The following SCGB2B2 variants were observed in gnomAD, a reference collection of about 807,000 sequenced individuals.
The protein encoded by SCGB2B2 is secretoglobin-like protein.
Under a neutral mutation model 7.6 loss-of-function variants are expected in SCGB2B2, and 11 were observed. The ratio of observed to expected loss-of-function variants is 1.45; its 90% CI spans 0.91 to 2.40. SCGB2B2 has a LOEUF of 2.40. SCGB2B2 is among the 30% of genes most tolerant of loss of function. SCGB2B2 has a pLI of 0.00. For synonymous variants in SCGB2B2, 50 were observed against 48.6 expected (o/e 1.03, Z -0.12); for missense variants, 104 against 115.4 (o/e 0.90, Z 0.45).
intron 1 of SCGB2B2, chr19:34,608,673 A>ATATATATATATATATATATATATAT (rs1491457408): frequency 5.1e-5 from 3 of 59,058 alleles, no homozygotes; most frequent in Non-Finnish European, 1.4e-4. Context: ...ATATATATAT[A>ATATATATATATATATATATATATAT]TATATATATA....
chr19:34,591,522 G>A lies in SCGB2B2; in HGVS notation c.*2033C>T, dbSNP rs959909532. ...GTTGCTCTATTCCAACAGGGAAAGTGTGACCTCGTAAGTCCTGCTCATCCC... is the reference window on the plus strand; with the variant it reads ...GTTGCTCTATTCCAACAGGGAAAGTATGACCTCGTAAGTCCTGCTCATCCC... On this transcript the variant is annotated 3_prime_UTR_variant, in exon 4 of 4. Coordinates refer to ENST00000601241, the MANE Select transcript of SCGB2B2 (RefSeq NM_001025591.4). 1.3e-5 allele frequency among the ~76,000 whole-genome samples: 2 copies of A among 152,210 alleles called. No homozygotes were observed. The highest frequency in any genetic ancestry group is 3.2e-3 in the Middle Eastern group (1 of 316).
rs1271327751 is a variant in SCGB2B2, at chr19:34,593,548, C to T, written c.*7G>A. On this transcript the variant is annotated 3_prime_UTR_variant, in exon 4 of 4. Transcript: ENST00000601241. The stretch of plus-strand genomic sequence containing the variant: ...GGGCCAATATCTGATCTGCAGGGGT[C>T]CTCAGATCAGAAGGCTGCTTCTATG... 9 of 1,550,904 alleles carry T rather than the reference C, an allele frequency of 5.8e-6. No homozygotes were observed. Among genetic ancestry groups the T allele is most frequent in the Non-Finnish European group, 7.9e-6 (9 of 1,146,400 alleles).
chr19:34,588,009 T>A (rs1182880355), downstream of SCGB2B2, among the ~76,000 whole-genome samples: 1 of 152,218 alleles, frequency 6.6e-6, no homozygotes, highest in Non-Finnish European at 1.5e-5. Flanking sequence ...TGTCCTTCCC[T>A]GAGTTTGATA....
At chr19:34,589,712 A>G (rs892614952), downstream of SCGB2B2, among the ~76,000 whole-genome samples, 2 of 152,080 alleles carry the variant, frequency 1.3e-5, no homozygotes, top group African/African-American at 4.8e-5. Flanking sequence ...ACCTACAGTC[A>G]TGGACCAGAT....
chr19:34,597,981 G>A (rs957782773), intron 1 of SCGB2B2, among the ~76,000 whole-genome samples: 34 of 152,108 alleles, frequency 2.2e-4, no homozygotes, highest in African/African-American at 7.7e-4. Flanking sequence ...AGAGGGGGCA[G>A]AGAATGGAGG....
downstream of SCGB2B2, among the ~76,000 whole-genome samples, chr19:34,589,679 T>A (rs1485406814): frequency 1.3e-5 from 2 of 152,010 alleles, no homozygotes; most frequent in East Asian, 3.9e-4. Context: ...GGTGACCCTT[T>A]GTGCTGCAGC....
intron 1 of SCGB2B2, among the ~76,000 whole-genome samples, chr19:34,661,870 A>AT (rs1041363285): frequency 6.0e-5 from 9 of 150,634 alleles, no homozygotes; most frequent in Non-Finnish European, 1.0e-4. Flanking sequence ...GTGTTAGTGT[A>AT]TTTTTTTTTA....
In SCGB2B2 at chr19:34,633,572, C is replaced by G. The variant is rs547821621; in HGVS notation, c.-2031-36978G>C. Among the ~76,000 whole-genome samples the G allele has an allele frequency of 2.0e-5, 3 of 152,182 alleles. No homozygotes were observed. In the East Asian group the frequency reaches 5.8e-4, roughly 29 times the overall value. On this transcript the variant is annotated intron_variant, in intron 1 of 3. Coordinates refer to ENST00000601241, the MANE Select transcript of SCGB2B2 (RefSeq NM_001025591.4). ...GTTTTAGAAAAAGAAAATAAGTCTA[C>G]AGCAAAAGACAGTAAATCAATGTTT...
rs542515473 is a variant in SCGB2B2 at position 34,614,648 on chromosome 19, CT to C, written c.-2031-18055del. 3.1e-3 allele frequency among the ~76,000 whole-genome samples: 470 copies of C among 152,226 alleles called. 1 individual carries two copies. Among genetic ancestry groups the C allele is most frequent in the African/African-American group, 0.011 (450 of 41,544 alleles). On this transcript the variant is annotated intron_variant, in intron 1 of 3. Transcript: ENST00000601241. ...TCTTTTACCAGCAAGTTATTATGTT[CT>C]TTTGGTAATGTCATATTTCCTTGCT... is the stretch of plus-strand genomic sequence containing the variant.
intron 1 of SCGB2B2, among the ~76,000 whole-genome samples, chr19:34,633,360 A>T (rs2066588001): frequency 6.6e-6 from 1 of 152,206 alleles, no homozygotes; most frequent in South Asian, 2.1e-4. Context: ...ATAGCCCCAA[A>T]CTAGAAGCAA....
chr19:34,655,329 CCTG>C (rs1430964647), intron 1 of SCGB2B2, among the ~76,000 whole-genome samples: 1 of 151,276 alleles, frequency 6.6e-6, no homozygotes, highest in Non-Finnish European at 1.5e-5. Flanking sequence ...CGTTCTGAAG[CCTG>C]CTACCTGGAG....
Position 34,633,476 on chromosome 19 carries a change from G to A in SCGB2B2, c.-2031-36882C>T, listed in dbSNP as rs541889465. On this transcript the variant is annotated intron_variant, in intron 1 of 3. Coordinates refer to ENST00000601241, the MANE Select transcript of SCGB2B2 (RefSeq NM_001025591.4). ...GAAGTGTTGACACATGCAACATGGA[G>A]GAATCTCAAAATAATTATGCTGAGT... is the stretch of plus-strand genomic sequence containing the variant. Among the ~76,000 whole-genome samples the A allele has an allele frequency of 8.5e-5, 13 of 152,254 alleles. No homozygotes were observed. In the East Asian group the frequency reaches 2.5e-3, roughly 29 times the overall value.
intron 1 of SCGB2B2, among the ~76,000 whole-genome samples, chr19:34,668,679 G>A (rs2067709962): frequency 6.6e-6 from 1 of 152,216 alleles, no homozygotes; most frequent in African/African-American, 2.4e-5. Context: ...TCAGCACCCT[G>A]TGTCTAGCTC....
At chr19:34,586,975 T>G (rs1033380174), downstream of SCGB2B2, among the ~76,000 whole-genome samples, 5 of 152,196 alleles carry the variant, frequency 3.3e-5, no homozygotes, top group Non-Finnish European at 5.9e-5. Flanking sequence ...TGACGTGCTC[T>G]CGGCTCACCG....
chr19:34,637,519 A>G (rs2066717156), intron 1 of SCGB2B2, among the ~76,000 whole-genome samples: 1 of 152,184 alleles, frequency 6.6e-6, no homozygotes, highest in Non-Finnish European at 1.5e-5. Context: ...CACATCGCAG[A>G]CAGACACCGG....
downstream of SCGB2B2, among the ~76,000 whole-genome samples, chr19:34,588,810 A>T (rs935005054): frequency 6.6e-6 from 1 of 151,868 alleles, no homozygotes; most frequent in African/African-American, 2.4e-5. Flanking sequence ...CGATGGATGG[A>T]GGAGAAGGAA....
chr19:34,646,050 GC>G (rs1158035021), intron 1 of SCGB2B2: 4 of 267,682 alleles, frequency 1.5e-5, no homozygotes, highest in African/African-American at 9.1e-5. Context: ...AGAAAGCCTT[GC>G]TGTTGTTGGA....
chr19:34,609,925 T>C (rs1046093215), intron 1 of SCGB2B2, among the ~76,000 whole-genome samples: 7 of 152,164 alleles, frequency 4.6e-5, no homozygotes, highest in African/African-American at 1.7e-4. Flanking sequence ...ACGCTCATTT[T>C]TACAACATTA....
intron 1 of SCGB2B2, among the ~76,000 whole-genome samples, chr19:34,603,038 TC>T (rs1189610904): frequency 6.6e-6 from 1 of 152,186 alleles, no homozygotes; most frequent in Non-Finnish European, 1.5e-5. Flanking sequence ...CTTTGCAAAA[TC>T]TTTAAAAATT....
Sources: gnomAD v4.1 joint callset for allele counts (sites outside exome capture counted in the v4.1 genomes callset) on GRCh38, gnomAD v4.1.1 for gene constraint, MANE v1.5 for transcripts, NCBI Gene and HGNC (gene_info 2026-07-23, HGNC 2026-07-21) for gene names.